The following TRPC4AP variants were observed in gnomAD, a reference collection of about 807,000 sequenced individuals.
TRPC4AP encodes the protein short transient receptor potential channel 4-associated protein.
In TRPC4AP, 45 loss-of-function variants were observed where a neutral mutation model predicts 99.0. The ratio of observed to expected loss-of-function variants is 0.45; its 90% CI spans 0.36 to 0.58. The LOEUF (loss-of-function observed/expected upper bound fraction) is 0.58. Ranked by LOEUF, TRPC4AP falls within the 20% of genes least tolerant of loss-of-function variation. The pLI is 0.00. For missense variants in TRPC4AP, 879 were observed against 985.3 expected (o/e 0.89, Z 1.44); for synonymous variants, 408 against 385.8 (o/e 1.06, Z -0.67).
chr20:35,046,203 T>TA (rs1327019197), intron 6 of TRPC4AP, among the ~76,000 whole-genome samples: 2 of 152,238 alleles, frequency 1.3e-5, no homozygotes, highest in South Asian at 2.1e-4. Flanking sequence ...TTTTAATAAA[T>TA]ACCCTATATA....
chr20:35,084,444 G>A (rs111877511), intron 1 of TRPC4AP, among the ~76,000 whole-genome samples: 1 of 149,700 alleles, frequency 6.7e-6, no homozygotes, highest in Non-Finnish European at 1.5e-5. Flanking sequence ...AGTCAAAAGG[G>A]TATATGTATA....
At chr20:35,043,396 A>G (rs1295751548) in intron 7 of TRPC4AP, among the ~76,000 whole-genome samples, 2 of 152,142 alleles carry the variant, frequency 1.3e-5, no homozygotes, top group South Asian at 2.1e-4. Flanking sequence ...ACAGGCGTGC[A>G]CCACCACACC....
At chr20:35,078,195 G>T (rs766742767) in intron 1 of TRPC4AP, 21 bp from the exon 2 acceptor site, 3 of 1,609,812 alleles carry the variant, frequency 1.9e-6, no homozygotes, top group African/African-American at 1.3e-5. Context: ...AAAAAAGAGA[G>T]AACATATTAT....
At chr20:35,050,866 T>A (rs2083681033) in intron 5 of TRPC4AP, among the ~76,000 whole-genome samples, 1 of 151,942 alleles carries the variant, frequency 6.6e-6, no homozygotes, top group Admixed American at 6.6e-5. Context: ...GTGCAGTGGC[T>A]CACACCTGTA....
At chr20:35,037,346 CAAAA>C (rs71196778) in intron 7 of TRPC4AP, among the ~76,000 whole-genome samples, 1 of 78,960 alleles carries the variant, frequency 1.3e-5, no homozygotes. Context: ...GACTCTGTCT[CAAAA>C]AAAAAAAAAA....
chr20:35,026,726 T>C (rs2083039953), intron 8 of TRPC4AP, among the ~76,000 whole-genome samples: 1 of 152,210 alleles, frequency 6.6e-6, no homozygotes, highest in Non-Finnish European at 1.5e-5. Flanking sequence ...TTTACATTTA[T>C]TTAGGGTTTA....
intron 7 of TRPC4AP, among the ~76,000 whole-genome samples, chr20:35,037,530 G>A (rs931845692): frequency 5.9e-5 from 9 of 152,080 alleles, no homozygotes; most frequent in Non-Finnish European, 1.3e-4. Context: ...TCCATTAACT[G>A]AAGGGATAAA....
intron 4 of TRPC4AP, among the ~76,000 whole-genome samples, chr20:35,056,708 C>A (rs370366867): frequency 6.6e-6 from 1 of 151,848 alleles, no homozygotes; most frequent in Admixed American, 6.6e-5. Context: ...AAGCTGGGTG[C>A]GGTGGCTCAT....
chr20:35,060,585 C>CAAAAAAAAAAAAAAAAAAAAAAAAAA (rs35143678), intron 3 of TRPC4AP, among the ~76,000 whole-genome samples: 2 of 70,388 alleles, frequency 2.8e-5, no homozygotes, highest in Non-Finnish European at 2.5e-5. Context: ...ACCTTGTCTC[C>CAAAAAAAAAAAAAAAAAAAAAAAAAA]AAAAAAAAAA....
At position 35,031,415 on chromosome 20, in the gene TRPC4AP, T is replaced by TCC. The variant is rs1555907104; in HGVS notation, c.1051+3707_1051+3708insGG. ...CTTTTTTTTTTTTTTTTTTTTTTTT[T>TCC]CAAAGAGATGGGGTTTTGCCACATT... On this transcript the variant is annotated intron_variant, in intron 8 of 18. Coordinates refer to ENST00000252015, the MANE Select transcript of TRPC4AP (RefSeq NM_015638.3). 2.2e-4 allele frequency among the ~76,000 whole-genome samples: 24 copies of TCC among 109,694 alleles called. 1 individual carries two copies. The East Asian group carries it at 2.3e-3, about 11-fold the overall frequency. 72.0% of individuals were successfully genotyped at this position (109,694 alleles called of 152,430 possible). A position where few individuals can be genotyped will look rare whatever the true frequency, so the allele number is the denominator to read the frequency against.
Position 35,003,751 on chromosome 20 carries a change from G to A in TRPC4AP, c.2050-135C>T, listed in dbSNP as rs2082450002. On this transcript the variant is annotated intron_variant, in intron 17 of 18. Coordinates refer to ENST00000252015, the MANE Select transcript of TRPC4AP (RefSeq NM_015638.3). ...ACCCACAGAGCTCTCCCTGCACAGA[G>A]GTGAGATAGGACTGGGGGAAGGGGG... is the stretch of plus-strand genomic sequence containing the variant. The A allele has an allele frequency of 3.1e-6, 3 of 964,544 alleles. No individual in the cohort carries two copies. In the African/African-American group the frequency reaches 4.9e-5, roughly 16 times the overall value. The allele number at this position is 964,544 out of a possible 1,614,324, so 59.7% of individuals were successfully genotyped here.
intron 5 of TRPC4AP, among the ~76,000 whole-genome samples, chr20:35,054,545 C>T (rs574988878): frequency 3.9e-5 from 6 of 152,332 alleles, no homozygotes; most frequent in African/African-American, 1.4e-4. Flanking sequence ...ATTCACCATT[C>T]TTCCTGGCTC....
chr20:35,037,548 T>C (rs558678606), intron 7 of TRPC4AP, among the ~76,000 whole-genome samples: 4 of 152,246 alleles, frequency 2.6e-5, no homozygotes, highest in African/African-American at 9.6e-5. Flanking sequence ...AAACAAACTG[T>C]GGTATCTACA....
intron 10 of TRPC4AP, among the ~76,000 whole-genome samples, chr20:35,014,520 C>G (rs1013663331): frequency 6.6e-6 from 1 of 151,748 alleles, no homozygotes; most frequent in Non-Finnish European, 1.5e-5. Context: ...CATGAGCAAT[C>G]GAAAGAGACC....
intron 2 of TRPC4AP, among the ~76,000 whole-genome samples, chr20:35,070,803 A>G (rs931357218): frequency 2.0e-5 from 3 of 152,164 alleles, no homozygotes; most frequent in African/African-American, 7.2e-5. Flanking sequence ...TTGATACAGC[A>G]CACATAGGGT....
intron 9 of TRPC4AP, 47 bp downstream of exon 9, chr20:35,021,143 G>A (rs369517031): frequency 3.7e-4 from 595 of 1,587,988 alleles, no homozygotes; most frequent in Non-Finnish European, 3.8e-4. Flanking sequence ...ATGAGCACCC[G>A]GGCAGCACCT....
chr20:35,021,144 G>C, intron 9 of TRPC4AP, 46 bp downstream of exon 9: 1 of 1,589,484 alleles, frequency 6.3e-7, no homozygotes, highest in Non-Finnish European at 8.6e-7. Flanking sequence ...TGAGCACCCG[G>C]GCAGCACCTG....
Position 35,051,069 on chromosome 20 carries a change from C to CAT in TRPC4AP, c.529-1077_529-1076dup, listed in dbSNP as rs59685764. 8.7e-5 allele frequency among the ~76,000 whole-genome samples: 12 copies of CAT among 138,172 alleles called. 1 individual carries two copies. Among genetic ancestry groups the CAT allele is most frequent in the Admixed American group, 5.1e-4 (7 of 13,646 alleles). 90.6% of individuals were successfully genotyped at this position (138,172 alleles called of 152,430 possible). A position where few individuals can be genotyped will look rare whatever the true frequency, so the allele number is the denominator to read the frequency against. ...ACACACACACACACACACACACACA[C>CAT]ATATATATCCCACCCCTACTGCCTT... is the stretch of plus-strand genomic sequence containing the variant. On this transcript the variant is annotated intron_variant, in intron 5 of 18. Coordinates refer to ENST00000252015, the MANE Select transcript of TRPC4AP (RefSeq NM_015638.3).
intron 5 of TRPC4AP, among the ~76,000 whole-genome samples, chr20:35,052,540 C>T (rs1412469315): frequency 2.6e-5 from 4 of 152,164 alleles, no homozygotes; most frequent in East Asian, 1.9e-4. Context: ...CTGTCACCCA[C>T]GCTGGAGTGC....
Sources: allele counts gnomAD v4.1 joint callset (sites outside exome capture counted in the v4.1 genomes callset), GRCh38; gene constraint gnomAD v4.1.1; transcripts MANE v1.5; gene names NCBI Gene and HGNC (gene_info 2026-07-23, HGNC 2026-07-21).